LRPPRC: variants seen among roughly 807,000 people sequenced by gnomAD.
The protein encoded by LRPPRC is leucine-rich PPR motif-containing protein, mitochondrial.
Under a neutral mutation model 180.3 loss-of-function variants are expected in LRPPRC, and 120 were observed. The observed-to-expected ratio is 0.67, with a 90% confidence interval of 0.57 to 0.77. LRPPRC has a LOEUF of 0.77. Among genes scored for constraint, LRPPRC ranks in the 30% least tolerant of loss-of-function variants. The pLI, the probability that LRPPRC is intolerant of heterozygous loss-of-function variation, is 0.00. For synonymous variants in LRPPRC, 723 were observed against 600.0 expected, an observed-to-expected ratio of 1.21 and a Z score of -3.00; for missense variants, 2,012 against 1,657.2, an observed-to-expected ratio of 1.21 and a Z score of -3.72.
intron 11 of LRPPRC, among the ~76,000 whole-genome samples, chr2:43,970,769 G>A (rs1348434107): frequency 2.0e-5 from 3 of 152,142 alleles, no homozygotes; most frequent in African/African-American, 7.2e-5. Flanking sequence ...TCTAGCCACG[G>A]CACTCACTTT....
Position 43,901,465 on chromosome 2 carries a change from C to G in LRPPRC, c.3424G>C (p.Val1142Leu), listed in dbSNP as rs1340226201. 3.1e-6 allele frequency: 5 copies of G among 1,614,072 alleles called. No individual in the cohort carries two copies. The highest frequency in any genetic ancestry group is 1.1e-5 in the South Asian group (1 of 91,074). ...GCCAATGCCTGGATGACACGGGTCA[C>G]TGCTAACCTAGAAGGGGTCTGCTGC... ...DQQQTPSRLA[V>L]TRVIQALAMK... The change falls in exon 32 of 38, where the codon GTG becomes CTG. Residue 1142 changes from valine (V) to leucine (L), a missense_variant. Coordinates refer to ENST00000260665, the MANE Select transcript of LRPPRC (RefSeq NM_133259.4).
rs1039809618 is a variant in LRPPRC at position 43,887,602 on chromosome 2, G to A, written c.*998C>T. ...GTTCTCAAAACATTTTCAACATTTC[G>A]GTAATTAATTACCTCATCTCCAGTT... On this transcript the variant is annotated 3_prime_UTR_variant, in exon 38 of 38. Transcript: ENST00000260665. The A allele has an allele frequency of 3.3e-5, 5 of 151,962 alleles. No homozygotes were observed. Among genetic ancestry groups the A allele is most frequent in the Admixed American group, 6.5e-5 (1 of 15,268 alleles). The allele number at this position is 151,962 out of a possible 1,614,324, so 9.4% of individuals were successfully genotyped here. A position where few individuals can be genotyped will look rare whatever the true frequency, so the allele number is the denominator to read the frequency against.
rs1032348849 is a variant in LRPPRC at position 43,886,384 on chromosome 2, A to G, written c.*2216T>C. 2.0e-5 allele frequency: 3 copies of G among 152,234 alleles called. No homozygotes were observed. The South Asian group carries it at 6.2e-4, about 32-fold the overall frequency. The allele number at this position is 152,234 out of a possible 1,614,324, so 9.4% of individuals were successfully genotyped here. A position where few individuals can be genotyped will look rare whatever the true frequency, so the allele number is the denominator to read the frequency against. ...TATAATTTGAGTGTAAATGTATTACAGAAAGCTGCTAAATTGTTTATATTT... is the reference window on the plus strand; with the variant it reads ...TATAATTTGAGTGTAAATGTATTACGGAAAGCTGCTAAATTGTTTATATTT... On this transcript the variant is annotated 3_prime_UTR_variant, in exon 38 of 38. Coordinates refer to ENST00000260665, the MANE Select transcript of LRPPRC (RefSeq NM_133259.4).
At chr2:43,947,589 G>A (rs1672735297) in intron 19 of LRPPRC, 142 bp downstream of exon 19, 1 of 674,442 alleles carries the variant, frequency 1.5e-6, no homozygotes, top group African/African-American at 1.8e-5. Flanking sequence ...TTTCTGAGGT[G>A]GGGAACAGGT....
chr2:43,946,039 C>A (rs1197522848), intron 21 of LRPPRC, 74 bp downstream of exon 21: 3 of 1,424,142 alleles, frequency 2.1e-6, no homozygotes, highest in Non-Finnish European at 3.0e-6. Context: ...GAGTAATATT[C>A]CATCTAGATA....
chr2:43,888,717 T>C, intron 37 of LRPPRC, 61 bp from the exon 38 acceptor site: 6 of 919,050 alleles, frequency 6.5e-6, no homozygotes, highest in South Asian at 1.3e-5. Context: ...GGTACATAAC[T>C]TAAAAAATCA....
At chr2:43,946,386 C>T (rs1474095959) in intron 20 of LRPPRC, 143 bp from the exon 21 acceptor site, 4 of 675,756 alleles carry the variant, frequency 5.9e-6, no homozygotes, top group Admixed American at 4.4e-5. Flanking sequence ...TGACTCTGCC[C>T]CTTGATATTT....
upstream of LRPPRC, chr2:43,996,147 A>C: frequency 3.7e-6 from 2 of 537,470 alleles, no homozygotes; most frequent in Non-Finnish European, 3.3e-6. Context: ...TACATAAACG[A>C]TGTTGCTTGA....
In LRPPRC at chr2:43,948,406, T is replaced by G; in HGVS notation, c.1842+6A>C. ...AGGCATTATATAGCAAAAAACGAAA[T>G]GGTACCATCTTCTCCAGCTGATGGA... On this transcript the variant is annotated splice_donor_region_variant and intron_variant, in intron 17 of 37. Transcript: ENST00000260665. The G allele has an allele frequency of 6.3e-7, 1 of 1,590,958 alleles. No individual in the cohort carries two copies. Among genetic ancestry groups the G allele is most frequent in the South Asian group, 1.1e-5 (1 of 90,564 alleles).
At chr2:43,931,546 T>C (rs1028593944) in intron 25 of LRPPRC, among the ~76,000 whole-genome samples, 2 of 152,182 alleles carry the variant, frequency 1.3e-5, no homozygotes, top group Admixed American at 6.5e-5. Context: ...TGGAATGCTT[T>C]TGTCTCTACT....
intron 1 of LRPPRC, among the ~76,000 whole-genome samples, chr2:43,990,179 G>A (rs1052185472): frequency 4.0e-5 from 6 of 151,812 alleles, no homozygotes; most frequent in Non-Finnish European, 7.4e-5. Flanking sequence ...AGATGGCCCC[G>A]TTACACTCCA....
intron 1 of LRPPRC, among the ~76,000 whole-genome samples, chr2:43,993,601 CG>C (rs1674883797): frequency 6.6e-6 from 1 of 151,874 alleles, no homozygotes; most frequent in African/African-American, 2.4e-5. Flanking sequence ...TACAGGATGT[CG>C]GGTAGGAGAC....
chr2:43,976,093 C>T, intron 6 of LRPPRC, 50 bp downstream of exon 6: 4 of 1,040,130 alleles, frequency 3.8e-6, no homozygotes, highest in Non-Finnish European at 6.1e-6. Flanking sequence ...ACCACTTTAG[C>T]ATCTCAGCCA....
intron 34 of LRPPRC, among the ~76,000 whole-genome samples, 200 bp downstream of exon 34, chr2:43,899,019 T>C (rs1670793603): frequency 6.6e-6 from 1 of 152,190 alleles, no homozygotes; most frequent in South Asian, 2.1e-4. Context: ...TCTAGTTTGA[T>C]CTGGCATCTT....
At chr2:43,914,280 C>T (rs1037993869) in intron 29 of LRPPRC, among the ~76,000 whole-genome samples, 1 of 152,048 alleles carries the variant, frequency 6.6e-6, no homozygotes, top group Admixed American at 6.6e-5. Context: ...CAAACCCATT[C>T]ACCGCACGTT....
chr2:43,952,115 C>A (rs559621296), intron 14 of LRPPRC, among the ~76,000 whole-genome samples: 2 of 152,112 alleles, frequency 1.3e-5, no homozygotes, highest in South Asian at 2.1e-4. Flanking sequence ...ATCGCTTGAA[C>A]CCGGGAGGCG....
At chr2:43,936,068 A>C (rs778679024) in intron 23 of LRPPRC, among the ~76,000 whole-genome samples, 4 of 152,124 alleles carry the variant, frequency 2.6e-5, no homozygotes, top group Non-Finnish European at 4.4e-5. Context: ...GGGCAACAAA[A>C]GTGAAACTCT....
chr2:43,918,547 G>A (rs1416507443), intron 27 of LRPPRC, 149 bp from the exon 28 acceptor site: 13 of 664,056 alleles, frequency 2.0e-5, no homozygotes, highest in Middle Eastern at 3.8e-4. Flanking sequence ...ACCGTGACCC[G>A]AAGTCGAGAA....
Position 43,896,633 on chromosome 2 carries a change from C to T in LRPPRC, c.3900+1G>A. The stretch of plus-strand genomic sequence containing the variant: ...ATTTGTAAGCAGGTAAAGCACAGTA[C>T]CTTTCCTTGTTTCCTAGAATTCCTA... On this transcript the variant is annotated splice_donor_variant, in intron 35 of 37. Transcript: ENST00000260665. LOFTEE classifies it high-confidence loss of function. The T allele has an allele frequency of 1.2e-6, 2 of 1,600,480 alleles. No individual in the cohort carries two copies. Among genetic ancestry groups the T allele is most frequent in the South Asian group, 1.1e-5 (1 of 90,638 alleles).
Sources: allele counts gnomAD v4.1 joint callset (sites outside exome capture counted in the v4.1 genomes callset), GRCh38; gene constraint gnomAD v4.1.1; transcripts MANE v1.5; gene names NCBI Gene and HGNC (gene_info 2026-07-23, HGNC 2026-07-21).